The following MORC1 variants were observed in gnomAD, a reference collection of about 807,000 sequenced individuals.
MORC1 encodes the protein MORC family CW-type zinc finger 1.
Under a neutral mutation model 134.9 loss-of-function variants are expected in MORC1, and 59 were observed. The observed-to-expected ratio is 0.44, with a 90% confidence interval of 0.35 to 0.54. MORC1 has a LOEUF of 0.54. Among genes scored for constraint, MORC1 ranks in the 20% least tolerant of loss-of-function variants. The pLI is 0.00. For missense variants in MORC1, 947 were observed against 1,134.5 expected (o/e 0.83, Z 2.37); for synonymous variants, 395 against 391.7 (o/e 1.01, Z -0.10).
chr3:109,064,901 C>G (rs1328472522), intron 9 of MORC1, among the ~76,000 whole-genome samples: 2 of 152,194 alleles, frequency 1.3e-5, no homozygotes, highest in East Asian at 3.9e-4. Context: ...TTCCTCCTAA[C>G]CTCTACACTT....
At chr3:109,040,982 T>TTAAAAAAAA in intron 14 of MORC1, among the ~76,000 whole-genome samples, 1 of 150,874 alleles carries the variant, frequency 6.6e-6, no homozygotes, top group Non-Finnish European at 1.5e-5. Flanking sequence ...AATTTAAAAA[T>TTAAAAAAAA]CACTAGAGGG....
At chr3:109,043,437 G>C (rs1400793614) in intron 14 of MORC1, among the ~76,000 whole-genome samples, 1 of 152,068 alleles carries the variant, frequency 6.6e-6, no homozygotes, top group African/African-American at 2.4e-5. Context: ...TTGTTTCATG[G>C]GTATAGCATT....
chr3:108,992,628 A>G (rs1248246276), intron 21 of MORC1, among the ~76,000 whole-genome samples: 4 of 152,202 alleles, frequency 2.6e-5, no homozygotes, highest in Non-Finnish European at 5.9e-5. Context: ...AGATTTTACT[A>G]AAGATTATAT....
At chr3:109,104,823 C>A (rs556694541) in intron 3 of MORC1, among the ~76,000 whole-genome samples, 1 of 151,778 alleles carries the variant, frequency 6.6e-6, no homozygotes, top group Non-Finnish European at 1.5e-5. Flanking sequence ...AATTTATGCA[C>A]AATAAACTGC....
intron 2 of MORC1, 52 bp downstream of exon 2, chr3:109,114,332 G>T: frequency 6.9e-7 from 1 of 1,453,740 alleles, no homozygotes. Flanking sequence ...AATTAGACAA[G>T]AGTTATGTCA....
In MORC1 at chr3:109,049,615, T is replaced by C. The variant is rs555625753; in HGVS notation, c.1330+5113A>G. Among the ~76,000 whole-genome samples, 94 of 152,298 alleles carry C rather than the reference T, an allele frequency of 6.2e-4. 1 individual carries two copies. Among genetic ancestry groups the C allele is most frequent in the Admixed American group, 1.6e-3 (24 of 15,294 alleles). ...ATAAACTTTACGAGGGATAAATGTA[T>C]GATTCTACACTAGGGCTCAAAACCA... On this transcript the variant is annotated intron_variant, in intron 14 of 27. Transcript: ENST00000232603.
intron 8 of MORC1, among the ~76,000 whole-genome samples, chr3:109,087,689 T>C (rs1433646086): frequency 6.6e-6 from 1 of 152,048 alleles, no homozygotes; most frequent in Non-Finnish European, 1.5e-5. Flanking sequence ...CCTGTCAAAC[T>C]ACCAATGACA....
intron 8 of MORC1, among the ~76,000 whole-genome samples, chr3:109,074,314 T>C (rs949117568): frequency 6.6e-6 from 1 of 152,220 alleles, no homozygotes; most frequent in African/African-American, 2.4e-5. Context: ...GCTGTGCTTT[T>C]TTCTAGTTTC....
rs552852991 is a variant in MORC1 at position 109,001,796 on chromosome 3, T to C, written c.2086-1138A>G. Among the ~76,000 whole-genome samples the C allele has an allele frequency of 2.0e-5, 3 of 152,322 alleles. No homozygotes were observed. In the South Asian group the frequency reaches 6.2e-4, roughly 32 times the overall value. Reference sequence around the variant, plus strand: ...AAATACCTCACAAGACTGTCTCCTATTTAAACCTCACCTCTGAAATCCAGA... The same window carrying C: ...AAATACCTCACAAGACTGTCTCCTACTTAAACCTCACCTCTGAAATCCAGA... On this transcript the variant is annotated intron_variant, in intron 20 of 27. Transcript: ENST00000232603.
chr3:109,014,980 G>T (rs1281761423), intron 17 of MORC1, among the ~76,000 whole-genome samples: 1 of 152,094 alleles, frequency 6.6e-6, no homozygotes, highest in Non-Finnish European at 1.5e-5. Flanking sequence ...CTGCCTCCTG[G>T]GTTCAAGCGA....
At chr3:109,013,725 C>T (rs898195361) in intron 17 of MORC1, among the ~76,000 whole-genome samples, 17 of 152,164 alleles carry the variant, frequency 1.1e-4, no homozygotes, top group African/African-American at 3.4e-4. Context: ...TATGCTATGG[C>T]TTGAATGTGT....
intron 16 of MORC1, among the ~76,000 whole-genome samples, chr3:109,030,612 G>A (rs1218525937): frequency 6.6e-6 from 1 of 152,104 alleles, no homozygotes; most frequent in Non-Finnish European, 1.5e-5. Context: ...AAGAATCAAG[G>A]ACTTAAGAAA....
chr3:109,044,607 C>A (rs115206166), intron 14 of MORC1, among the ~76,000 whole-genome samples: 6,001 of 150,660 alleles, frequency 0.04, 252 homozygotes, highest in Middle Eastern at 0.11. Context: ...TTGCCAAAAA[C>A]CAGTAACTAC....
intron 24 of MORC1, among the ~76,000 whole-genome samples, chr3:108,973,177 C>G (rs1211229324): frequency 1.3e-5 from 2 of 152,196 alleles, no homozygotes; most frequent in Non-Finnish European, 2.9e-5. Flanking sequence ...CACAGACATT[C>G]TTTAAACCTC....
chr3:109,004,898 C>T lies in MORC1; in HGVS notation c.2014-10G>A, dbSNP rs911233945. On this transcript the variant is annotated splice_polypyrimidine_tract_variant and intron_variant, in intron 19 of 27. Coordinates refer to ENST00000232603, the MANE Select transcript of MORC1 (RefSeq NM_014429.4). ...TAGCAATCTGACTTCTCTTTCAAAA[C>T]AGAGAATACAGAAAAAAAAATTAGA... 27 of 1,606,848 alleles carry T rather than the reference C, an allele frequency of 1.7e-5. No individual in the cohort carries two copies. The highest frequency in any genetic ancestry group is 2.3e-5 in the Non-Finnish European group (27 of 1,178,074).
intron 27 of MORC1, among the ~76,000 whole-genome samples, chr3:108,960,048 T>A (rs73200648): frequency 0.18 from 26,157 of 148,412 alleles, 2,325 homozygotes; most frequent in Middle Eastern, 0.27. Context: ...AGTAATTTTT[T>A]AAAAAGAGAG....
chr3:109,094,027 G>A (rs1415451275), intron 7 of MORC1, among the ~76,000 whole-genome samples: 1 of 152,088 alleles, frequency 6.6e-6, no homozygotes. Context: ...AATATTTTAG[G>A]CTTTGCAGGC....
At chr3:109,016,758 G>A (rs1463154008) in intron 17 of MORC1, among the ~76,000 whole-genome samples, 1 of 152,176 alleles carries the variant, frequency 6.6e-6, no homozygotes, top group Non-Finnish European at 1.5e-5. Context: ...CAGCTACTGG[G>A]GAAGCTGAGG....
intron 17 of MORC1, among the ~76,000 whole-genome samples, chr3:109,013,712 A>G (rs1263825153): frequency 1.3e-5 from 2 of 152,172 alleles, no homozygotes; most frequent in Non-Finnish European, 2.9e-5. Context: ...GTTGATATAC[A>G]TCTATGCTAT....
Sources: gnomAD v4.1 joint callset for allele counts (sites outside exome capture counted in the v4.1 genomes callset) on GRCh38, gnomAD v4.1.1 for gene constraint, MANE v1.5 for transcripts, NCBI Gene and HGNC (gene_info 2026-07-23, HGNC 2026-07-21) for gene names.